The following VAV3 variants were observed in gnomAD, a reference collection of about 807,000 sequenced individuals.
VAV3 encodes guanine nucleotide exchange factor VAV3.
Under a neutral mutation model 131.2 loss-of-function variants are expected in VAV3, and 94 were observed. The ratio of observed to expected loss-of-function variants is 0.72; its 90% CI spans 0.61 to 0.85. VAV3 has a LOEUF of 0.85. VAV3 is among the 40% of genes least tolerant of loss of function. The pLI is 0.00. For missense variants in VAV3, 939 were observed against 1,002.7 expected (o/e 0.94, Z 0.86); for synonymous variants, 349 against 342.0 (o/e 1.02, Z -0.22).
intron 18 of VAV3, among the ~76,000 whole-genome samples, chr1:107,683,744 G>A (rs1220610451): frequency 1.3e-5 from 2 of 152,068 alleles, no homozygotes; most frequent in East Asian, 1.9e-4. Context: ...CACTTGATAA[G>A]TTGTTGGTAC....
chr1:107,620,702 TA>T (rs1431676516), intron 20 of VAV3, among the ~76,000 whole-genome samples: 1 of 152,148 alleles, frequency 6.6e-6, no homozygotes, highest in Non-Finnish European at 1.5e-5. Context: ...GTCCCTGACA[TA>T]TTCTATAAGG....
chr1:107,757,464 C>T, intron 10 of VAV3, 135 bp from the exon 11 acceptor site: 1 of 741,014 alleles, frequency 1.3e-6, no homozygotes. Context: ...GTCTGGGCTC[C>T]ATTTCCATCA....
intron 14 of VAV3, 117 bp from the exon 15 acceptor site, chr1:107,749,194 ACAAT>A: frequency 1.1e-6 from 1 of 881,158 alleles, no homozygotes; most frequent in African/African-American, 1.7e-5. Context: ...TACAAACTGA[ACAAT>A]CAAGCTTATT....
At chr1:107,880,357 T>C (rs972879910) in intron 1 of VAV3, among the ~76,000 whole-genome samples, 3 of 152,078 alleles carry the variant, frequency 2.0e-5, no homozygotes, top group African/African-American at 7.2e-5. Context: ...CATGGACCAC[T>C]TGGGGCAGTG....
intron 1 of VAV3, among the ~76,000 whole-genome samples, chr1:107,958,162 TGAG>T (rs1674908036): frequency 1.3e-5 from 2 of 152,364 alleles, no homozygotes; most frequent in East Asian, 3.9e-4. Context: ...TAATGACTTC[TGAG>T]AAGACTAAGG....
chr1:107,785,808 G>C (rs949429865), intron 2 of VAV3, among the ~76,000 whole-genome samples: 1 of 152,134 alleles, frequency 6.6e-6, no homozygotes, highest in Non-Finnish European at 1.5e-5. Context: ...CCAGACACCA[G>C]GTTATCTGAC....
chr1:107,630,125 A>C (rs1366706155), intron 20 of VAV3, among the ~76,000 whole-genome samples: 2 of 152,192 alleles, frequency 1.3e-5, no homozygotes, highest in African/African-American at 4.8e-5. Context: ...ATTTGCAACA[A>C]TATGATTTAC....
At chr1:107,917,947 T>C (rs1393837375) in intron 1 of VAV3, among the ~76,000 whole-genome samples, 1 of 152,170 alleles carries the variant, frequency 6.6e-6, no homozygotes, top group Non-Finnish European at 1.5e-5. Flanking sequence ...AGGACTGAGA[T>C]GCACAGACCC....
At chr1:107,881,585 C>T (rs1255024734) in intron 1 of VAV3, among the ~76,000 whole-genome samples, 1 of 152,176 alleles carries the variant, frequency 6.6e-6, no homozygotes, top group Non-Finnish European at 1.5e-5. Flanking sequence ...CTTCAACAAC[C>T]ATGCGTAGCC....
At chr1:107,950,443 G>A (rs1240110214) in intron 1 of VAV3, among the ~76,000 whole-genome samples, 2 of 152,190 alleles carry the variant, frequency 1.3e-5, no homozygotes, top group African/African-American at 2.4e-5. Context: ...GGTACTAAGC[G>A]AGAGTTAGGG....
intron 9 of VAV3, among the ~76,000 whole-genome samples, chr1:107,762,499 T>A (rs990583741): frequency 7.2e-5 from 11 of 152,152 alleles, no homozygotes; most frequent in Non-Finnish European, 1.3e-4. Flanking sequence ...TTCTACAGAT[T>A]GTAGAGAGCT....
chr1:107,735,420 C>T (rs950388067), intron 15 of VAV3, among the ~76,000 whole-genome samples: 2 of 152,134 alleles, frequency 1.3e-5, no homozygotes, highest in African/African-American at 4.8e-5. Context: ...AATCCAAGAG[C>T]TGGTTTTCTG....
At chr1:107,834,486 A>C (rs1668385936) in intron 2 of VAV3, among the ~76,000 whole-genome samples, 1 of 152,128 alleles carries the variant, frequency 6.6e-6, no homozygotes, top group Non-Finnish European at 1.5e-5. Flanking sequence ...AGTACTGTCA[A>C]TTAGATCAAG....
At chr1:107,728,642 T>TGTATATGTATAC (rs1662023382) in intron 15 of VAV3, among the ~76,000 whole-genome samples, 1 of 139,744 alleles carries the variant, frequency 7.2e-6, no homozygotes, top group South Asian at 2.2e-4. Context: ...TATATGTATA[T>TGTATATGTATAC]GTATATGTAT....
At chr1:107,580,189 A>G (rs962310758) in intron 25 of VAV3, among the ~76,000 whole-genome samples, 1 of 152,212 alleles carries the variant, frequency 6.6e-6, no homozygotes, top group Admixed American at 6.5e-5. Context: ...GTGCTAAGCA[A>G]CTGAAGCTGC....
At chr1:107,688,326 A>G (rs781065235) in intron 18 of VAV3, 55 bp downstream of exon 18, 4 of 1,587,740 alleles carry the variant, frequency 2.5e-6, no homozygotes, top group Non-Finnish European at 3.4e-6. Flanking sequence ...TGGTTAAGTT[A>G]GCAAACAACT....
chr1:107,616,911 G>A (rs552909144), intron 21 of VAV3, among the ~76,000 whole-genome samples: 5 of 152,166 alleles, frequency 3.3e-5, no homozygotes, highest in South Asian at 4.2e-4. Context: ...TGTGGAAAAC[G>A]TCACCCATAA....
intron 25 of VAV3, among the ~76,000 whole-genome samples, chr1:107,575,009 G>A (rs1355613719): frequency 1.0e-4 from 3 of 29,692 alleles, no homozygotes; most frequent in Admixed American, 5.3e-4. Context: ...GTGCGCGCGC[G>A]CGCGCGCACA....
intron 19 of VAV3, among the ~76,000 whole-genome samples, chr1:107,647,366 T>C (rs900675587): frequency 6.6e-6 from 1 of 151,792 alleles, no homozygotes; most frequent in African/African-American, 2.4e-5. Flanking sequence ...GGGAAACTGA[T>C]CACAAGCATA....
Sources: allele counts gnomAD v4.1 joint callset (sites outside exome capture counted in the v4.1 genomes callset), GRCh38; gene constraint gnomAD v4.1.1; transcripts MANE v1.5; gene names NCBI Gene and HGNC (gene_info 2026-07-23, HGNC 2026-07-21).